The following NDUFA10 variants were observed in gnomAD, a reference collection of about 807,000 sequenced individuals.
NDUFA10 encodes NADH:ubiquinone oxidoreductase subunit A10.
NDUFA10 carries 40 observed loss-of-function variants against 47.8 expected under a neutral mutation model. That is an observed-to-expected ratio of 0.84 (90% CI 0.65 to 1.09). The LOEUF (loss-of-function observed/expected upper bound fraction) is 1.09. Among genes scored for constraint, NDUFA10 ranks in the 50% least tolerant of loss-of-function variants. The pLI is 0.00. For synonymous variants in NDUFA10, 183 were observed against 172.2 expected (o/e 1.06, Z -0.49); for missense variants, 413 against 451.1 (o/e 0.92, Z 0.76).
At chr2:239,954,131 TGA>T (rs1365579897), downstream of NDUFA10, among the ~76,000 whole-genome samples, 6 of 141,834 alleles carry the variant, frequency 4.2e-5, 1 homozygote, top group South Asian at 9.1e-4. Flanking sequence ...CCCAGGACTG[TGA>T]GAGTGGGTTC....
At chr2:239,976,261 G>A (rs1237410465) in intron 9 of NDUFA10, among the ~76,000 whole-genome samples, 4 of 152,126 alleles carry the variant, frequency 2.6e-5, no homozygotes, top group Non-Finnish European at 5.9e-5. Flanking sequence ...ACGTGGCTTA[G>A]GATGGAAAGT....
chr2:239,932,616 G>A (rs1040488347), intron 4 of NDUFA10, among the ~76,000 whole-genome samples: 1 of 151,218 alleles, frequency 6.6e-6, no homozygotes, highest in African/African-American at 2.4e-5. Context: ...GTCTCGCTCT[G>A]TCGCCCAGGC....
At chr2:239,902,707 C>T (rs6731670) in intron 4 of NDUFA10, among the ~76,000 whole-genome samples, 108,810 of 151,990 alleles carry the variant, frequency 0.72, 39,183 homozygotes, top group East Asian at 0.93. Context: ...TCTGTGCATG[C>T]CTGGTGTGCG....
intron 5 of NDUFA10, 164 bp downstream of exon 5, chr2:240,014,575 C>T: frequency 8.7e-7 from 1 of 1,151,904 alleles, no homozygotes; most frequent in Non-Finnish European, 1.3e-6. Context: ...ATGGGGTCTC[C>T]CCTCCACCCC....
chr2:239,921,421 C>G (rs1043362815), intron 4 of NDUFA10, among the ~76,000 whole-genome samples: 1 of 152,126 alleles, frequency 6.6e-6, no homozygotes, highest in African/African-American at 2.4e-5. Flanking sequence ...AGCTTTTATT[C>G]CCTTATTTGT....
At chr2:240,023,222 A>T (rs945008683) in intron 1 of NDUFA10, among the ~76,000 whole-genome samples, 4 of 152,254 alleles carry the variant, frequency 2.6e-5, no homozygotes, top group Non-Finnish European at 5.9e-5. Context: ...ATGATGGGGT[A>T]ATAACCTTAC....
chr2:240,024,746 G>T (rs916725714), intron 1 of NDUFA10, among the ~76,000 whole-genome samples: 1 of 152,196 alleles, frequency 6.6e-6, no homozygotes, highest in Non-Finnish European at 1.5e-5. Context: ...AAGAAGGTGG[G>T]GGCAAAATGC....
At chr2:239,954,593 T>C (rs1694616737), downstream of NDUFA10, among the ~76,000 whole-genome samples, 1 of 152,242 alleles carries the variant, frequency 6.6e-6, no homozygotes, top group East Asian at 1.9e-4. Context: ...TCACTTTCCT[T>C]GAAACAGCAG....
intron 9 of NDUFA10, among the ~76,000 whole-genome samples, chr2:239,964,378 C>T (rs1325850284): frequency 6.6e-6 from 1 of 152,162 alleles, no homozygotes; most frequent in Non-Finnish European, 1.5e-5. Flanking sequence ...ACACCAATCT[C>T]CCCTTGAGCC....
chr2:239,914,285 A>G (rs1023747435), intron 4 of NDUFA10, among the ~76,000 whole-genome samples: 4 of 152,038 alleles, frequency 2.6e-5, no homozygotes, highest in Non-Finnish European at 5.9e-5. Context: ...ACACACAAAT[A>G]TAGACACACA....
intron 9 of NDUFA10, among the ~76,000 whole-genome samples, chr2:239,967,482 T>C (rs1473390858): frequency 1.3e-5 from 2 of 152,188 alleles, no homozygotes; most frequent in Admixed American, 1.3e-4. Flanking sequence ...ACCTTTACTC[T>C]CTGGCTCTTT....
At chr2:239,970,257 T>C (rs1466406098) in intron 9 of NDUFA10, among the ~76,000 whole-genome samples, 3 of 152,032 alleles carry the variant, frequency 2.0e-5, no homozygotes, top group South Asian at 4.1e-4. Flanking sequence ...CTTTTATGTG[T>C]TGGAGGGGAA....
rs1693964260 is a variant in NDUFA10, at chr2:239,920,917, C to T, written c.295-25603G>A. On this transcript the variant is annotated intron_variant, in intron 4 of 5. Coordinates refer to the NDUFA10 transcript ENST00000419408. Reference sequence around the variant, plus strand: ...CTTTGGGCAACCCCTCTGAGTCTCCCCAGGTGGGCAGGTTTCTCCTGTCTC... The same window carrying T: ...CTTTGGGCAACCCCTCTGAGTCTCCTCAGGTGGGCAGGTTTCTCCTGTCTC... Among the ~76,000 whole-genome samples, 3 of 152,130 alleles carry T rather than the reference C, an allele frequency of 2.0e-5. No homozygotes were observed. The South Asian group carries it at 6.2e-4, about 32-fold the overall frequency.
intron 4 of NDUFA10, among the ~76,000 whole-genome samples, chr2:239,909,341 G>A (rs750286007): frequency 6.6e-5 from 10 of 152,146 alleles, no homozygotes; most frequent in South Asian, 4.1e-4. Context: ...GGCCAGGGAC[G>A]GCAGCTCACG....
chr2:239,995,981 C>G (rs780311465), intron 8 of NDUFA10, among the ~76,000 whole-genome samples: 1 of 152,138 alleles, frequency 6.6e-6, no homozygotes, highest in Non-Finnish European at 1.5e-5. Context: ...ACAAATCCAG[C>G]GCTGTTGGAA....
chr2:239,947,991 T>C (rs1014968509), intron 4 of NDUFA10, among the ~76,000 whole-genome samples: 2 of 152,206 alleles, frequency 1.3e-5, no homozygotes, highest in African/African-American at 4.8e-5. Context: ...CCCTTCAAGC[T>C]GGTCTTCCGA....
In NDUFA10 at chr2:239,928,964, C is replaced by T. The variant is rs1185498065; in HGVS notation, c.295-33650G>A. Among the ~76,000 whole-genome samples, 1 of 152,376 alleles carries T rather than the reference C, an allele frequency of 6.6e-6. No homozygotes were observed. Among genetic ancestry groups the T allele is most frequent in the East Asian group, 1.9e-4 (1 of 5,182 alleles). On this transcript the variant is annotated intron_variant, in intron 4 of 5. Coordinates refer to the NDUFA10 transcript ENST00000419408. The surrounding 1 kb of genome is among the most constrained non-coding windows in gnomAD (Gnocchi z 4.3). ...CTCCCGAGGTCAGGAGCCCCCGACTCTTCCTCCTGCACCTACTCCTGTCTC... is the reference window on the plus strand; with the variant it reads ...CTCCCGAGGTCAGGAGCCCCCGACTTTTCCTCCTGCACCTACTCCTGTCTC...
chr2:239,982,202 C>A, intron 9 of NDUFA10: 5 of 1,612,862 alleles, frequency 3.1e-6, no homozygotes, highest in Non-Finnish European at 4.2e-6. Flanking sequence ...CAGCCCGCTG[C>A]GGGTAGGGGA....
At chr2:239,952,393 G>A (rs1574802328), downstream of NDUFA10, among the ~76,000 whole-genome samples, 1 of 152,092 alleles carries the variant, frequency 6.6e-6, no homozygotes, top group East Asian at 1.9e-4. Context: ...CCAGCACTGT[G>A]CAGCCCGCAG....
Sources: allele counts gnomAD v4.1 joint callset (sites outside exome capture counted in the v4.1 genomes callset), GRCh38; gene constraint gnomAD v4.1.1; non-coding constraint Gnocchi (gnomAD v3.1); transcripts MANE v1.5; gene names NCBI Gene and HGNC (gene_info 2026-07-23, HGNC 2026-07-21).